Variants in AFF3 observed in about 807,000 individuals in gnomAD.
AFF3 encodes AF4/FMR2 family member 3.
AFF3 carries 32 observed loss-of-function variants against 129.7 expected under a neutral mutation model. The ratio of observed to expected loss-of-function variants is 0.25; its 90% CI spans 0.19 to 0.33. The LOEUF is 0.33. Among genes scored for constraint, AFF3 ranks in the 10% least tolerant of loss-of-function variants. AFF3 has a pLI of 1.00. For synonymous variants in AFF3, 644 were observed against 635.4 expected (o/e 1.01, Z -0.20); for missense variants, 1,373 against 1,592.0 (o/e 0.86, Z 2.34).
chr2:99,989,019 C>T (rs574314828), intron 7 of AFF3, among the ~76,000 whole-genome samples: 3 of 152,194 alleles, frequency 2.0e-5, no homozygotes, highest in African/African-American at 7.2e-5. Flanking sequence ...GAATTCACAA[C>T]GGATTAGATA....
intron 7 of AFF3, among the ~76,000 whole-genome samples, chr2:99,927,888 A>G (rs531370942): frequency 2.6e-5 from 4 of 152,216 alleles, no homozygotes; most frequent in East Asian, 1.9e-4. Context: ...TAATTCCCAC[A>G]TGTGGTGGGA....
At chr2:99,617,246 C>G (rs1442840977) in intron 13 of AFF3, among the ~76,000 whole-genome samples, 2 of 152,222 alleles carry the variant, frequency 1.3e-5, no homozygotes, top group African/African-American at 4.8e-5. Flanking sequence ...TTTTCCAAAG[C>G]AGTTGCACCA....
intron 7 of AFF3, among the ~76,000 whole-genome samples, chr2:99,847,775 A>G (rs560050265): frequency 6.6e-6 from 1 of 152,128 alleles, no homozygotes; most frequent in Non-Finnish European, 1.5e-5. Flanking sequence ...ACATCACCAG[A>G]TAAAGTTAGC....
intron 2 of AFF3, among the ~76,000 whole-genome samples, chr2:100,125,010 G>A (rs1243125278): frequency 6.6e-6 from 1 of 152,124 alleles, no homozygotes; most frequent in Admixed American, 6.5e-5. Context: ...TAGCAACTTG[G>A]TTGCAATTTC....
chr2:99,661,137 G>GCTA (rs1485953131), intron 12 of AFF3, among the ~76,000 whole-genome samples: 4 of 152,254 alleles, frequency 2.6e-5, no homozygotes, highest in African/African-American at 9.6e-5. Flanking sequence ...TTCCTGAAAA[G>GCTA]CTACTGAAGA....
chr2:99,584,296 CCT>C (rs1677875038), intron 16 of AFF3, among the ~76,000 whole-genome samples: 2 of 151,580 alleles, frequency 1.3e-5, no homozygotes, highest in East Asian at 3.9e-4. Flanking sequence ...GGTGAAACCC[CCT>C]CTCTGCTAAA....
chr2:99,711,731 C>T (rs188916256), intron 11 of AFF3, among the ~76,000 whole-genome samples: 163 of 152,290 alleles, frequency 1.1e-3, no homozygotes, highest in Admixed American at 3.1e-3. Flanking sequence ...ACTGTACTTG[C>T]TTATTGAATA....
intron 4 of AFF3, among the ~76,000 whole-genome samples, chr2:100,083,743 G>C (rs959941974): frequency 6.6e-6 from 1 of 152,070 alleles, no homozygotes; most frequent in Non-Finnish European, 1.5e-5. Flanking sequence ...ATGCAGAGAC[G>C]ATGAGAGGGA....
intron 12 of AFF3, among the ~76,000 whole-genome samples, chr2:99,665,873 G>A (rs889512210): frequency 6.6e-6 from 1 of 152,192 alleles, no homozygotes; most frequent in Non-Finnish European, 1.5e-5. Context: ...AGTGGGTGAT[G>A]AACAGTGTTC....
At chr2:100,062,634 A>T (rs1318540998) in intron 4 of AFF3, among the ~76,000 whole-genome samples, 3 of 152,188 alleles carry the variant, frequency 2.0e-5, no homozygotes, top group Non-Finnish European at 1.5e-5. Context: ...GAATTGTCTC[A>T]GGACCGCAGT....
chr2:100,131,267 G>A (rs558538273), intron 1 of AFF3, among the ~76,000 whole-genome samples: 1 of 152,194 alleles, frequency 6.6e-6, no homozygotes, highest in East Asian at 1.9e-4. Context: ...TATGATGTGA[G>A]TGCAGTTTTC....
At chr2:100,020,583 G>A (rs1011970227) in intron 4 of AFF3, among the ~76,000 whole-genome samples, 1 of 152,104 alleles carries the variant, frequency 6.6e-6, no homozygotes, top group Non-Finnish European at 1.5e-5. Context: ...TGTTGCCTGT[G>A]TCAGCAGACC....
In AFF3 at chr2:99,858,861, C is replaced by T. The variant is rs370455287; in HGVS notation, c.874-21337G>A. On this transcript the variant is annotated intron_variant, in intron 7 of 24. Transcript: ENST00000672756. ...AACAAACCCCCATGACACAAGTTTGCCTGTGTAATAAACCTGCACTTGTAC... is the reference window on the plus strand; with the variant it reads ...AACAAACCCCCATGACACAAGTTTGTCTGTGTAATAAACCTGCACTTGTAC... Among the ~76,000 whole-genome samples, 8 of 152,230 alleles carry T rather than the reference C, an allele frequency of 5.3e-5. No individual in the cohort carries two copies. The South Asian group carries it at 8.3e-4, about 16-fold the overall frequency.
At chr2:100,107,265 G>T in intron 2 of AFF3, 1 of 985,330 alleles carries the variant, frequency 1.0e-6, no homozygotes, top group Non-Finnish European at 1.2e-6. Flanking sequence ...AGAACAGTTA[G>T]TGAGAGCCTT....
chr2:99,700,004 G>C (rs970161855), intron 11 of AFF3, among the ~76,000 whole-genome samples: 3 of 152,200 alleles, frequency 2.0e-5, no homozygotes, highest in Non-Finnish European at 4.4e-5. Flanking sequence ...ATTTAGCGTG[G>C]AAGAAAGTGG....
chr2:99,915,878 G>A (rs1253558307), intron 7 of AFF3, among the ~76,000 whole-genome samples: 2 of 152,198 alleles, frequency 1.3e-5, no homozygotes, highest in African/African-American at 4.8e-5. Flanking sequence ...GGGGATTCCT[G>A]CAAAAAATAT....
At chr2:99,634,641 G>C (rs1348518969) in intron 13 of AFF3, among the ~76,000 whole-genome samples, 4 of 152,108 alleles carry the variant, frequency 2.6e-5, no homozygotes, top group Non-Finnish European at 5.9e-5. Flanking sequence ...GGAATGAAGG[G>C]GAAAAGCTTC....
intron 11 of AFF3, among the ~76,000 whole-genome samples, chr2:99,711,030 G>C (rs562812059): frequency 6.6e-6 from 1 of 152,064 alleles, no homozygotes; most frequent in African/African-American, 2.4e-5. Flanking sequence ...CTCACTCAGC[G>C]ACAGGAGCCA....
chr2:100,036,335 CT>C, intron 4 of AFF3, among the ~76,000 whole-genome samples: 1 of 152,106 alleles, frequency 6.6e-6, no homozygotes, highest in African/African-American at 2.4e-5. Context: ...ATCCTACCAA[CT>C]TTTCTAAAAC....
Sources: allele counts gnomAD v4.1 joint callset (sites outside exome capture counted in the v4.1 genomes callset), GRCh38; gene constraint gnomAD v4.1.1; transcripts MANE v1.5; gene names NCBI Gene and HGNC (gene_info 2026-07-23, HGNC 2026-07-21).